Variants in ATG16L2 observed in about 807,000 individuals in gnomAD.
The protein encoded by ATG16L2 is autophagy related 16 like 2.
ATG16L2 carries 77 observed loss-of-function variants against 84.7 expected under a neutral mutation model. That is an observed-to-expected ratio of 0.91 (90% CI 0.76 to 1.10). The LOEUF is 1.10. Among genes scored for constraint, ATG16L2 ranks in the 50% least tolerant of loss-of-function variants. The pLI is 0.00. For missense variants in ATG16L2, 782 were observed against 817.6 expected, an observed-to-expected ratio of 0.96 and a Z score of 0.53; for synonymous variants, 361 against 342.8, an observed-to-expected ratio of 1.05 and a Z score of -0.59.
At chr11:72,827,017 A>AGG (rs1860403998) in intron 13 of ATG16L2, 171 bp from the exon 14 acceptor site, 1 of 860,254 alleles carries the variant, frequency 1.2e-6, no homozygotes, top group South Asian at 1.8e-5. Flanking sequence ...TGGTGACCTC[A>AGG]GGCTGTGGGT....
At chr11:72,818,020 G>C in intron 3 of ATG16L2, 165 bp downstream of exon 3, 1 of 656,620 alleles carries the variant, frequency 1.5e-6, no homozygotes, top group Non-Finnish European at 2.6e-6. Flanking sequence ...GCAGGGGTCA[G>C]AGTGCCCTGG....
At chr11:72,838,664 C>T in intron 5 of ATG16L2, 1 of 754,482 alleles carries the variant, frequency 1.3e-6, no homozygotes, top group Non-Finnish European at 2.2e-6. Context: ...CACCCAGTCA[C>T]ACATAATCCT....
At chr11:72,821,430 A>G (rs1471478627) in intron 3 of ATG16L2, 5 of 1,340,894 alleles carry the variant, frequency 3.7e-6, no homozygotes, top group Non-Finnish European at 3.8e-6. Context: ...TCGCAGAGAA[A>G]CGAAGCGGCA....
In ATG16L2 at chr11:72,814,572, G is replaced by C. The variant is rs368329251; in HGVS notation, c.118+9G>C. The C allele has an allele frequency of 2.7e-4, 419 of 1,561,568 alleles. No individual in the cohort carries two copies. The highest frequency in any genetic ancestry group is 3.5e-4 in the Non-Finnish European group (408 of 1,150,106). ...GGAGCTGGTGCCGGCCTGTGAGTGC[G>C]CCCCGGTGCTGAGAGGATGGCGGCT... On this transcript the variant is annotated intron_variant, in intron 1 of 17. Coordinates refer to ENST00000321297, the MANE Select transcript of ATG16L2 (RefSeq NM_033388.2).
chr11:72,823,369 G>A (rs1860127974), intron 7 of ATG16L2: 8 of 334,418 alleles, frequency 2.4e-5, no homozygotes, highest in South Asian at 7.3e-5. Flanking sequence ...GACTGAGCCC[G>A]TCTGTATGTG....
chr11:72,838,619 C>T (rs924028259), intron 5 of ATG16L2: 6 of 594,650 alleles, frequency 1.0e-5, no homozygotes, highest in East Asian at 2.8e-5. Context: ...AAAAAAGGCA[C>T]GAAATATTCA....
chr11:72,843,195 G>A lies in ATG16L2; in HGVS notation c.*600G>A, dbSNP rs200023715. On this transcript the variant is annotated 3_prime_UTR_variant, in exon 6 of 6. Coordinates refer to the ATG16L2 transcript ENST00000534905. ...GCTGCCTGAAACGAGTTCTGCTTCC[G>A]TGGAATTGCTGGACGTGTGTGACCG... 1.2e-5 allele frequency: 20 copies of A among 1,613,958 alleles called. 1 individual carries two copies. In the East Asian group the frequency reaches 2.0e-4, roughly 16 times the overall value.
At chr11:72,816,969 T>TGGGGGTGGG in intron 2 of ATG16L2, 142 bp downstream of exon 2, 1 of 224,132 alleles carries the variant, frequency 4.5e-6, no homozygotes, top group South Asian at 3.7e-5. Context: ...GTGGAGGTGG[T>TGGGGGTGGG]GGGGGTGGTG....
chr11:72,822,288 C>G lies in ATG16L2; in HGVS notation c.637C>G (p.Arg213Gly). The G allele has an allele frequency of 6.6e-7, 1 of 1,511,522 alleles. No homozygotes were observed. The highest frequency in any genetic ancestry group is 8.8e-7 in the Non-Finnish European group (1 of 1,138,660). The allele number at this position is 1,511,522 out of a possible 1,614,324, so 93.6% of individuals were successfully genotyped here. The part of the protein sequence containing the change: ...AAERNLRNER[R>G]ERAKQARVSQ... ...CGAGCGCAACCTGCGCAACGAGCGC[C>G]GGGAGCGGTGAGGGAGCAGGCCCCG... is the stretch of plus-strand genomic sequence containing the variant. Residue 213 changes from arginine to glycine, a missense_variant, in exon 5 of 18, where the codon CGG becomes GGG. Coordinates refer to ENST00000321297, the MANE Select transcript of ATG16L2 (RefSeq NM_033388.2). The surrounding 1 kb of genome is among the most constrained non-coding windows in gnomAD (Gnocchi z 4.2).
downstream of ATG16L2, among the ~76,000 whole-genome samples, chr11:72,830,803 T>TCATG (rs34683629): frequency 1.1e-4 from 16 of 150,766 alleles, no homozygotes; most frequent in Non-Finnish European, 2.2e-4. Flanking sequence ...ATTCATTCAT[T>TCATG]TACTCATTTA....
At chr11:72,826,000 G>A (rs1192808702) in intron 10 of ATG16L2, among the ~76,000 whole-genome samples, 173 bp from the exon 11 acceptor site, 1 of 152,174 alleles carries the variant, frequency 6.6e-6, no homozygotes, top group South Asian at 2.1e-4. Context: ...CAGCAGTTAG[G>A]GGAGGTGTAG....
chr11:72,826,892 C>T (rs1860396717), intron 13 of ATG16L2, 69 bp downstream of exon 13: 3 of 1,560,034 alleles, frequency 1.9e-6, no homozygotes, highest in Non-Finnish European at 2.6e-6. Flanking sequence ...GCACAAGGGA[C>T]CTCACCTGCT....
At chr11:72,841,385 C>G in intron 5 of ATG16L2, 1 of 1,257,454 alleles carries the variant, frequency 8.0e-7, no homozygotes, top group Non-Finnish European at 1.1e-6. Context: ...TTTTTTTTTG[C>G]CCTTCAGGCG....
intron 9 of ATG16L2, 56 bp from the exon 10 acceptor site, chr11:72,825,246 A>C: frequency 1.4e-6 from 2 of 1,380,770 alleles, no homozygotes; most frequent in Non-Finnish European, 2.1e-6. Context: ...GCCCGTGAGC[A>C]CTCACAGAGA....
At chr11:72,825,454 C>T in intron 10 of ATG16L2, 47 bp downstream of exon 10, 1 of 1,450,900 alleles carries the variant, frequency 6.9e-7, no homozygotes, top group Non-Finnish European at 9.6e-7. Flanking sequence ...CTCTCCAGAC[C>T]CTCTCCTCAG....
At position 72,817,820 on chromosome 11, in the gene ATG16L2, G is replaced by C. The variant is rs913204989; in HGVS notation, c.283G>C (p.Glu95Gln). 1.1e-5 allele frequency: 18 copies of C among 1,602,306 alleles called. No homozygotes were observed. Among genetic ancestry groups the C allele is most frequent in the Non-Finnish European group, 1.5e-5 (18 of 1,173,144 alleles). ...SLVALRVKWQEEEEGLRLVCG... is the reference protein window; with the variant it reads ...SLVALRVKWQQEEEGLRLVCG... ...GGTCGCACTGAGGGTGAAGTGGCAG[G>C]AGGAGGAGGAGGGGCTCCGGCTGGT... is the stretch of plus-strand genomic sequence containing the variant. Residue 95 changes from glutamate (E) to glutamine (Q), a missense_variant, in exon 3 of 18, where the codon GAG (glutamate) becomes CAG (glutamine). Physicochemically the swap from Glu to Gln is conservative, Grantham distance 29. Transcript: ENST00000321297.
At chr11:72,825,217 C>A in intron 9 of ATG16L2, 85 bp from the exon 10 acceptor site, 3 of 1,048,268 alleles carry the variant, frequency 2.9e-6, no homozygotes, top group Non-Finnish European at 4.4e-6. Flanking sequence ...GCTGTGTCTG[C>A]ACAGGCACCG....
downstream of ATG16L2, among the ~76,000 whole-genome samples, chr11:72,831,794 A>G (rs947669876): frequency 9.2e-5 from 14 of 152,258 alleles, no homozygotes; most frequent in African/African-American, 3.4e-4. Context: ...CCTCCCAACT[A>G]CATTGCCATG....
At chr11:72,842,764 G>A (rs770238136) in exon 6 of ATG16L2, 10 of 1,613,838 alleles carry the variant, frequency 6.2e-6, no homozygotes, top group East Asian at 2.2e-5. Flanking sequence ...TTCAAGATAC[G>A]GATTATTGCT....
Sources: gnomAD v4.1 joint callset for allele counts (sites outside exome capture counted in the v4.1 genomes callset) on GRCh38, gnomAD v4.1.1 for gene constraint, Gnocchi (gnomAD v3.1) non-coding constraint, MANE v1.5 for transcripts, NCBI Gene and HGNC (gene_info 2026-07-23, HGNC 2026-07-21) for gene names.